The following TIAM2 variants were observed in gnomAD, a reference collection of about 807,000 sequenced individuals.
TIAM2 encodes TIAM Rac1 associated GEF 2.
TIAM2 carries 80 observed loss-of-function variants against 152.9 expected under a neutral mutation model. The observed-to-expected ratio is 0.52, with a 90% CI of 0.44 to 0.63. The LOEUF (loss-of-function observed/expected upper bound fraction) is 0.63, where lower values mean the gene tolerates loss of function less well. TIAM2 is among the 30% of genes least tolerant of loss of function. TIAM2 has a pLI of 0.00. For synonymous variants in TIAM2, 804 were observed against 838.0 expected (o/e 0.96, Z 0.70); for missense variants, 1,965 against 2,120.1 (o/e 0.93, Z 1.44).
chr6:155,249,961 GAGA>G lies in TIAM2; in HGVS notation c.3946_3948del (p.Lys1316del). ...GCTAGTAGCTGAGCAGAGCGGAACA[GAGA>G]AGGAGGTCCGTGAGACATCTGCACC... On this transcript the variant is annotated inframe_deletion, in exon 21 of 27. Coordinates refer to ENST00000682666, the MANE Select transcript of TIAM2 (RefSeq NM_012454.4). The G allele has an allele frequency of 6.2e-7, 1 of 1,612,246 alleles. No individual in the cohort carries two copies. Among genetic ancestry groups the G allele is most frequent in the South Asian group, 1.1e-5 (1 of 90,760 alleles).
Position 155,244,717 on chromosome 6 carries a change from G to T in TIAM2, c.3477G>T (p.Glu1159Asp). The change falls in exon 18 of 27, where the codon GAG (glutamate) becomes GAT (aspartate). Residue 1159 changes from glutamate to aspartate, a missense_variant. Glu to Asp is a conservative substitution (Grantham distance 45). Around this residue, in one of 3 missense-constraint regions of TIAM2, gnomAD observed 935 missense variants for 980.0 expected, o/e 0.95. Coordinates refer to ENST00000682666, the MANE Select transcript of TIAM2 (RefSeq NM_012454.4). ...EMLEFQKVFL[E>D]TLEDGISASS... ...TTGAGTTTCAGAAGGTGTTTCTGGA[G>T]ACCCTGGAGGATGGGATTTCAGCAT... 6.2e-7 allele frequency: 1 copy of T among 1,614,078 alleles called. No homozygotes were observed. Among genetic ancestry groups the T allele is most frequent in the Non-Finnish European group, 8.5e-7 (1 of 1,179,990 alleles).
rs902570897 is a variant in TIAM2, at chr6:154,995,586, G to C, written c.-209+94G>C. 6.6e-6 allele frequency: 1 copy of C among 151,840 alleles called. No homozygotes were observed. Among genetic ancestry groups the C allele is most frequent in the Non-Finnish European group, 1.5e-5 (1 of 68,008 alleles). 9.4% of individuals were successfully genotyped at this position (151,840 alleles called of 1,614,324 possible). A position where few individuals can be genotyped will look rare whatever the true frequency, so the allele number is the denominator to read the frequency against. On this transcript the variant is annotated intron_variant, in intron 1 of 26. Transcript: ENST00000682666. The surrounding 1 kb of genome is among the most constrained non-coding windows in gnomAD (Gnocchi z 5.2). ...CCTGCGGGCGGGGCGGCGCGCGGCC[G>C]GCGGTCCCCTCCCTTCCCCTTTGTT...
intron 7 of TIAM2, among the ~76,000 whole-genome samples, chr6:155,150,718 T>A (rs1174158428): frequency 2.0e-5 from 3 of 152,054 alleles, no homozygotes; most frequent in African/African-American, 7.2e-5. Context: ...GCCGGCAGAT[T>A]CAGTGTCTGG....
intron 2 of TIAM2, among the ~76,000 whole-genome samples, chr6:155,105,440 C>T (rs1245460500): frequency 2.0e-5 from 3 of 152,142 alleles, no homozygotes; most frequent in South Asian, 2.1e-4. Context: ...TGAGCCATCG[C>T]CCCTGGCCCT....
At chr6:155,105,602 T>C (rs1042967259) in intron 2 of TIAM2, among the ~76,000 whole-genome samples, 1 of 151,982 alleles carries the variant, frequency 6.6e-6, no homozygotes, top group African/African-American at 2.4e-5. Flanking sequence ...GGCTAATTTT[T>C]TTTTTTTTCT....
intron 4 of TIAM2, among the ~76,000 whole-genome samples, chr6:155,131,336 ACT>A (rs1478713453): frequency 8.0e-5 from 12 of 149,904 alleles, no homozygotes; most frequent in Non-Finnish European, 1.6e-4. Flanking sequence ...ACAGAGAGAG[ACT>A]CTGTCTTTAA....
chr6:155,103,723 C>CGA (rs1554230539), intron 2 of TIAM2, among the ~76,000 whole-genome samples: 3 of 59,874 alleles, frequency 5.0e-5, no homozygotes, highest in Non-Finnish European at 8.8e-5. Context: ...GACTCTGTCT[C>CGA]AAAAAAAAAA....
chr6:155,253,873 T>C lies in TIAM2; in HGVS notation c.4226-100T>C, dbSNP rs975792970. 32 of 841,184 alleles carry C rather than the reference T, an allele frequency of 3.8e-5. No homozygotes were observed. The South Asian group carries it at 4.1e-4, about 11-fold the overall frequency. The allele number at this position is 841,184 out of a possible 1,614,324, so 52.1% of individuals were successfully genotyped here. Reference sequence around the variant, plus strand: ...GAAAATGAGCCAGGACTGGGAATATTAGACTTTCTTAACTGATGAGATTTC... The same window carrying C: ...GAAAATGAGCCAGGACTGGGAATATCAGACTTTCTTAACTGATGAGATTTC... On this transcript the variant is annotated intron_variant, in intron 24 of 26. Coordinates refer to ENST00000682666, the MANE Select transcript of TIAM2 (RefSeq NM_012454.4).
Position 155,074,928 on chromosome 6 carries a change from G to T in TIAM2, c.-208-15361G>T, listed in dbSNP as rs150694339. Among the ~76,000 whole-genome samples the T allele has an allele frequency of 4.1e-3, 619 of 150,314 alleles. 2 individuals are homozygous for T. Among genetic ancestry groups the T allele is most frequent in the African/African-American group, 0.014 (588 of 40,900 alleles). On this transcript the variant is annotated intron_variant, in intron 1 of 26. Coordinates refer to ENST00000682666, the MANE Select transcript of TIAM2 (RefSeq NM_012454.4). ...GGAGATGGGACCTTCTGACCACAGC[G>T]CTGGGGAGTCAGAGGGTGGAGGGGC...
intron 1 of TIAM2, among the ~76,000 whole-genome samples, chr6:155,046,062 T>C (rs1408961302): frequency 6.6e-6 from 1 of 151,750 alleles, no homozygotes; most frequent in Non-Finnish European, 1.5e-5. Context: ...CCCACACCAT[T>C]GCCTTTAACT....
In TIAM2 at chr6:155,244,744, A is replaced by T. The variant is rs1280468269; in HGVS notation, c.3504A>T (p.Ser1168=). The part of the protein sequence containing the change: ...LETLEDGISA[S]SDFNTLETPS... ...CCCTGGAGGATGGGATTTCAGCATC[A>T]TCTGACTTTAACACCCTAGAAACCC... Residue 1168 remains serine, a synonymous_variant, in exon 18 of 27, where the codon TCA becomes TCT. Transcript: ENST00000682666. 1 of 1,614,068 alleles carries T rather than the reference A, an allele frequency of 6.2e-7. No homozygotes were observed. Among genetic ancestry groups the T allele is most frequent in the Non-Finnish European group, 8.5e-7 (1 of 1,179,966 alleles).
intron 1 of TIAM2, among the ~76,000 whole-genome samples, chr6:154,999,426 C>T (rs980941235): frequency 2.0e-5 from 3 of 152,098 alleles, no homozygotes; most frequent in Middle Eastern, 3.4e-3. Context: ...AGGCTGGTCT[C>T]GAACTCCTGA....
chr6:155,243,874 A>ATTT, intron 16 of TIAM2, 137 bp from the exon 17 acceptor site: 1 of 506,298 alleles, frequency 2.0e-6, no homozygotes, highest in Non-Finnish European at 3.5e-6. Context: ...AAAAAAAAAA[A>ATTT]AAAGAATTTC....
intron 14 of TIAM2, among the ~76,000 whole-genome samples, chr6:155,188,253 C>CG (rs1781103856): frequency 6.6e-6 from 1 of 152,174 alleles, no homozygotes; most frequent in East Asian, 1.9e-4. Context: ...TGGAAGACAC[C>CG]ATGTTCCATT....
chr6:155,198,058 C>A (rs1304387192), intron 14 of TIAM2, among the ~76,000 whole-genome samples: 1 of 152,158 alleles, frequency 6.6e-6, no homozygotes, highest in Non-Finnish European at 1.5e-5. Context: ...TGAATACTCA[C>A]CTTTCATGCT....
intron 7 of TIAM2, among the ~76,000 whole-genome samples, chr6:155,158,411 G>A (rs1440182021): frequency 6.6e-5 from 10 of 152,114 alleles, no homozygotes. Context: ...GTGTTCCCCT[G>A]TAATTTTGTT....
intron 14 of TIAM2, among the ~76,000 whole-genome samples, chr6:155,202,193 T>C (rs994200444): frequency 1.8e-4 from 27 of 152,212 alleles, no homozygotes; most frequent in African/African-American, 5.5e-4. Context: ...ACTTTTTTTT[T>C]CCCTCTCAGT....
At chr6:155,002,780 G>C (rs147081164) in intron 1 of TIAM2, among the ~76,000 whole-genome samples, 4,357 of 151,734 alleles carry the variant, frequency 0.029, 85 homozygotes, top group Non-Finnish European at 0.042. Context: ...TCCAGGGTTC[G>C]AGCAGTTCTC....
At chr6:155,072,916 G>A (rs1305423310) in intron 1 of TIAM2, among the ~76,000 whole-genome samples, 4 of 152,112 alleles carry the variant, frequency 2.6e-5, no homozygotes, top group Non-Finnish European at 4.4e-5. Context: ...TCGAGGGTTC[G>A]TCCTTATTTT....
Sources: allele counts gnomAD v4.1 joint callset (sites outside exome capture counted in the v4.1 genomes callset), GRCh38; gene constraint gnomAD v4.1.1; regional missense constraint gnomAD v4.1.1; non-coding constraint Gnocchi (gnomAD v3.1); transcripts MANE v1.5; gene names NCBI Gene and HGNC (gene_info 2026-07-23, HGNC 2026-07-21).